The following ASRGL1 variants were observed in gnomAD, a reference collection of about 807,000 sequenced individuals.
ASRGL1 encodes isoaspartyl peptidase/L-asparaginase.
In ASRGL1, 16 loss-of-function variants were observed where a neutral mutation model predicts 22.4. The ratio of observed to expected loss-of-function variants is 0.71; its 90% confidence interval spans 0.48 to 1.08. The LOEUF (loss-of-function observed/expected upper bound fraction) is 1.08. Among genes scored for constraint, ASRGL1 ranks in the 50% least tolerant of loss-of-function variants. ASRGL1 has a pLI of 0.00. For missense variants in ASRGL1, 412 were observed against 410.1 expected, an observed-to-expected ratio of 1.00 and a Z score of -0.04; for synonymous variants, 165 against 159.3, an observed-to-expected ratio of 1.04 and a Z score of -0.27.
intron 4 of ASRGL1, among the ~76,000 whole-genome samples, chr11:62,380,954 T>G (rs546119453): frequency 2.0e-5 from 3 of 152,126 alleles, no homozygotes; most frequent in African/African-American, 7.2e-5. Context: ...TAAAGTCTTA[T>G]AGTGGGCGGC....
chr11:62,372,321 A>G (rs1269997059), intron 4 of ASRGL1: 2 of 1,600,874 alleles, frequency 1.2e-6, no homozygotes, highest in Non-Finnish European at 1.7e-6. Context: ...GGGCCTTGGC[A>G]ACTAGACAGA....
intron 4 of ASRGL1, among the ~76,000 whole-genome samples, chr11:62,375,844 G>T (rs1294173798): frequency 4.6e-5 from 7 of 151,882 alleles, no homozygotes; most frequent in Non-Finnish European, 4.4e-5. Flanking sequence ...AGGCATGGTG[G>T]CTCATGCCTG....
chr11:62,394,071 T>A (rs1180327425), downstream of ASRGL1, among the ~76,000 whole-genome samples: 1 of 143,064 alleles, frequency 7.0e-6, no homozygotes, highest in Non-Finnish European at 1.5e-5. Context: ...GGTATATTTA[T>A]TATATATTAT....
intron 4 of ASRGL1, among the ~76,000 whole-genome samples, chr11:62,362,541 A>AT (rs1946468113): frequency 1.9e-5 from 1 of 51,618 alleles, no homozygotes; most frequent in Non-Finnish European, 3.5e-5. Context: ...TATATTATAT[A>AT]AAATATATAA....
chr11:62,381,450 A>G (rs892315949), intron 4 of ASRGL1, among the ~76,000 whole-genome samples: 2 of 152,162 alleles, frequency 1.3e-5, no homozygotes, highest in Non-Finnish European at 2.9e-5. Flanking sequence ...CCTATTCTTC[A>G]CAATCTATTA....
At chr11:62,397,994 A>C (rs1021410607), downstream of ASRGL1, among the ~76,000 whole-genome samples, 3 of 151,956 alleles carry the variant, frequency 2.0e-5, no homozygotes, top group East Asian at 3.9e-4. Context: ...TCGGCGTCGC[A>C]TCTTCTGCTT....
At chr11:62,369,448 C>T (rs569512494) in intron 4 of ASRGL1, among the ~76,000 whole-genome samples, 2 of 152,108 alleles carry the variant, frequency 1.3e-5, no homozygotes, top group Non-Finnish European at 2.9e-5. Flanking sequence ...CTCTTTTCCC[C>T]ACATAACCCT....
At chr11:62,358,327 A>T (rs1946351661) in intron 4 of ASRGL1, among the ~76,000 whole-genome samples, 1 of 144,244 alleles carries the variant, frequency 6.9e-6, no homozygotes, top group African/African-American at 2.6e-5. Context: ...CCAAGATCCC[A>T]CCATTGCACT....
At chr11:62,358,011 G>T (rs1434095618) in intron 4 of ASRGL1, among the ~76,000 whole-genome samples, 1 of 152,190 alleles carries the variant, frequency 6.6e-6, no homozygotes, top group Non-Finnish European at 1.5e-5. Context: ...AGCCAGACAG[G>T]TATATTATAA....
intron 2 of ASRGL1, among the ~76,000 whole-genome samples, chr11:62,356,073 TC>T (rs1337048913): frequency 2.0e-5 from 3 of 151,948 alleles, no homozygotes; most frequent in South Asian, 2.1e-4. Flanking sequence ...TCCCCACCTT[TC>T]CCCCCTTTCT....
chr11:62,369,451 A>G (rs1318467755), intron 4 of ASRGL1, among the ~76,000 whole-genome samples: 1 of 152,092 alleles, frequency 6.6e-6, no homozygotes, highest in Non-Finnish European at 1.5e-5. Context: ...TTTTCCCCAC[A>G]TAACCCTTTT....
At chr11:62,345,414 G>A (rs1388548446) in intron 2 of ASRGL1, among the ~76,000 whole-genome samples, 7 of 151,932 alleles carry the variant, frequency 4.6e-5, no homozygotes, top group Non-Finnish European at 8.8e-5. Context: ...GATTACAGGC[G>A]CCCACCACCA....
At chr11:62,371,385 G>T (rs1946759637) in intron 4 of ASRGL1, 2 of 641,324 alleles carry the variant, frequency 3.1e-6, no homozygotes, top group Non-Finnish European at 2.6e-6. Context: ...GTGCGGCTGT[G>T]GTGGTCGCCG....
chr11:62,349,257 G>T (rs1462522507), intron 2 of ASRGL1, among the ~76,000 whole-genome samples: 1 of 152,160 alleles, frequency 6.6e-6, no homozygotes, highest in Non-Finnish European at 1.5e-5. Flanking sequence ...ATGAGCCACC[G>T]TGCCCAGCCT....
chr11:62,359,575 G>C (rs879389091), intron 4 of ASRGL1, among the ~76,000 whole-genome samples: 1 of 151,954 alleles, frequency 6.6e-6, no homozygotes, highest in Admixed American at 6.6e-5. Context: ...TCAAAATCTG[G>C]TGTGTTTTAC....
chr11:62,378,026 T>C (rs1946971958), intron 4 of ASRGL1, among the ~76,000 whole-genome samples: 1 of 152,228 alleles, frequency 6.6e-6, no homozygotes, highest in Non-Finnish European at 1.5e-5. Flanking sequence ...AATATTCTTT[T>C]ACTATTTAAA....
intron 4 of ASRGL1, among the ~76,000 whole-genome samples, chr11:62,374,002 G>A (rs530575099): frequency 9.8e-5 from 15 of 152,336 alleles, no homozygotes; most frequent in Non-Finnish European, 1.9e-4. Flanking sequence ...ATTAGAGATT[G>A]ATCAGCCAGC....
At chr11:62,384,035 C>CGTGTGT (rs141968496) in intron 4 of ASRGL1, among the ~76,000 whole-genome samples, 32,825 of 150,172 alleles carry the variant, frequency 0.22, 4,148 homozygotes, top group South Asian at 0.35. Context: ...CACGTGTGTG[C>CGTGTGT]GTGTGTGTGT....
In ASRGL1 at chr11:62,393,319, C is replaced by T. The variant is rs1947386898; in HGVS notation, c.*1035C>T. The T allele has an allele frequency of 6.6e-6, 1 of 152,188 alleles. No individual in the cohort carries two copies. The highest frequency in any genetic ancestry group is 2.4e-5 in the African/African-American group (1 of 41,440). The allele number at this position is 152,188 out of a possible 1,614,324, so 9.4% of individuals were successfully genotyped here. On this transcript the variant is annotated 3_prime_UTR_variant, in exon 7 of 7. Transcript: ENST00000415229. ...TTATTTCTGCTGTATCATCCGTGCT[C>T]AACGTTTTAGTCTGTCAGGCTCACC...
Sources: allele counts gnomAD v4.1 joint callset (sites outside exome capture counted in the v4.1 genomes callset), GRCh38; gene constraint gnomAD v4.1.1; transcripts MANE v1.5; gene names NCBI Gene and HGNC (gene_info 2026-07-23, HGNC 2026-07-21).